Variants in MCTP1 observed in about 807,000 individuals in gnomAD.
MCTP1 encodes the protein multiple C2 and transmembrane domain-containing protein 1.
A neutral mutation model predicts 120.6 loss-of-function variants in MCTP1; 69 were observed. That is an observed-to-expected ratio of 0.57 (90% CI 0.47 to 0.70). The LOEUF (loss-of-function observed/expected upper bound fraction) is 0.70. Among genes scored for constraint, MCTP1 ranks in the 30% least tolerant of loss-of-function variants. The probability of loss-of-function intolerance (pLI) is 0.00; values close to 1 mark genes in which losing one functional copy is unlikely to be tolerated. For synonymous variants in MCTP1, 529 were observed against 493.1 expected, an observed-to-expected ratio of 1.07 and a Z score of -0.96; for missense variants, 1,203 against 1,248.8, an observed-to-expected ratio of 0.96 and a Z score of 0.55.
At chr5:94,876,034 A>C (rs992105562) in intron 12 of MCTP1, among the ~76,000 whole-genome samples, 1 of 152,160 alleles carries the variant, frequency 6.6e-6, no homozygotes, top group African/African-American at 2.4e-5. Flanking sequence ...ATTTCAACCA[A>C]AATACTAGTA....
At chr5:94,865,602 G>C (rs153854) in intron 17 of MCTP1, among the ~76,000 whole-genome samples, 150,994 of 151,984 alleles carry the variant, frequency 0.99, 75,011 homozygotes, top group East Asian at 1. Flanking sequence ...AATAAACAGG[G>C]CTAAAATGTC....
chr5:95,144,193 C>T (rs190747949), intron 1 of MCTP1, among the ~76,000 whole-genome samples: 9 of 152,072 alleles, frequency 5.9e-5, no homozygotes, highest in Admixed American at 5.9e-4. Flanking sequence ...ATTTGTTGGC[C>T]GCTTGTATGT....
intron 2 of MCTP1, among the ~76,000 whole-genome samples, chr5:95,004,530 G>A (rs1286911856): frequency 6.6e-6 from 1 of 152,206 alleles, no homozygotes; most frequent in Non-Finnish European, 1.5e-5. Flanking sequence ...TGGTTTAGGG[G>A]GCCAGACCCA....
At chr5:95,179,016 T>C (rs1006379046) in intron 1 of MCTP1, among the ~76,000 whole-genome samples, 1 of 152,134 alleles carries the variant, frequency 6.6e-6, no homozygotes, top group Non-Finnish European at 1.5e-5. Flanking sequence ...AGGATACACT[T>C]AGAGAAATGC....
intron 1 of MCTP1, among the ~76,000 whole-genome samples, chr5:95,235,731 G>C (rs1010147214): frequency 6.6e-6 from 1 of 152,084 alleles, no homozygotes; most frequent in Admixed American, 6.6e-5. Flanking sequence ...AAAAAAGGAA[G>C]AAGTAAAACT....
chr5:94,961,003 CAA>C (rs1248488519), intron 2 of MCTP1, among the ~76,000 whole-genome samples: 1 of 152,074 alleles, frequency 6.6e-6, no homozygotes, highest in East Asian at 1.9e-4. Flanking sequence ...TTCATGGTAG[CAA>C]AGACTTAGAA....
intron 2 of MCTP1, among the ~76,000 whole-genome samples, chr5:94,999,230 G>T (rs965864739): frequency 1.3e-5 from 2 of 152,156 alleles, no homozygotes; most frequent in African/African-American, 2.4e-5. Context: ...CTTATTTCAT[G>T]AAGGAACATA....
Position 95,099,057 on chromosome 5 carries a change from C to T in MCTP1, c.721-81573G>A, listed in dbSNP as rs1425002083. 2.7e-5 allele frequency among the ~76,000 whole-genome samples: 4 copies of T among 150,378 alleles called. No homozygotes were observed. In the East Asian group the frequency reaches 7.8e-4, roughly 29 times the overall value. On this transcript the variant is annotated intron_variant, in intron 1 of 22. Coordinates refer to ENST00000515393, the MANE Select transcript of MCTP1 (RefSeq NM_024717.7). ...TATTTAATAAATGGTGCTGGGAAAA[C>T]TGGCTAGCCATATGTAGAAAGCTGA...
intron 1 of MCTP1, among the ~76,000 whole-genome samples, chr5:95,281,265 A>G (rs1760289600): frequency 6.6e-6 from 1 of 152,226 alleles, no homozygotes; most frequent in Admixed American, 6.5e-5. Context: ...TGAGATATTC[A>G]GGAAGCTTGG....
rs185431792 is a variant in MCTP1 at position 95,190,879 on chromosome 5, T to A, written c.720+92977A>T. 9.3e-4 allele frequency among the ~76,000 whole-genome samples: 142 copies of A among 152,066 alleles called. 3 individuals carry two copies. The South Asian group carries it at 0.027, about 29-fold the overall frequency. ...AACAACCCAAAATGAAACTATTCTA[T>A]AGAACTAAAATCTTAAATCTGCCAA... On this transcript the variant is annotated intron_variant, in intron 1 of 22. Transcript: ENST00000515393.
chr5:95,221,138 TC>T (rs1217890824), intron 1 of MCTP1, among the ~76,000 whole-genome samples: 6 of 152,232 alleles, frequency 3.9e-5, no homozygotes, highest in African/African-American at 1.4e-4. Flanking sequence ...TGTTTTCATT[TC>T]TTTGAAACAA....
intron 2 of MCTP1, among the ~76,000 whole-genome samples, chr5:94,989,711 G>A (rs1306993058): frequency 1.3e-5 from 2 of 152,100 alleles, no homozygotes; most frequent in South Asian, 2.1e-4. Flanking sequence ...GTGATTAGAG[G>A]GTTAGAACTT....
At chr5:94,893,763 C>CT (rs1803227670) in intron 11 of MCTP1, among the ~76,000 whole-genome samples, 1 of 152,046 alleles carries the variant, frequency 6.6e-6, no homozygotes, top group Non-Finnish European at 1.5e-5. Flanking sequence ...ATTTTAAAGT[C>CT]TAAAAAAAAA....
intron 10 of MCTP1, among the ~76,000 whole-genome samples, chr5:94,905,154 G>A (rs1372215665): frequency 1.3e-5 from 2 of 152,134 alleles, no homozygotes; most frequent in African/African-American, 4.8e-5. Context: ...TTAGATAGAG[G>A]GAAAGGTCCT....
At chr5:94,748,430 C>T (rs1767443599) in intron 19 of MCTP1, among the ~76,000 whole-genome samples, 1 of 152,184 alleles carries the variant, frequency 6.6e-6, no homozygotes, top group African/African-American at 2.4e-5. Flanking sequence ...AACCTGGCCC[C>T]CTAGTTTACC....
At chr5:94,997,980 T>G (rs931754680) in intron 2 of MCTP1, among the ~76,000 whole-genome samples, 1 of 152,298 alleles carries the variant, frequency 6.6e-6, no homozygotes, top group Admixed American at 6.5e-5. Flanking sequence ...TTATGTATTA[T>G]AAATGACTGG....
intron 1 of MCTP1, among the ~76,000 whole-genome samples, chr5:95,132,322 GTA>G (rs1225691791): frequency 1.3e-5 from 2 of 152,172 alleles, no homozygotes; most frequent in Non-Finnish European, 2.9e-5. Context: ...AGTGCCACTG[GTA>G]TAGTTAGGAC....
chr5:94,858,494 C>T (rs1489968468), intron 17 of MCTP1, among the ~76,000 whole-genome samples: 4 of 151,686 alleles, frequency 2.6e-5, no homozygotes, highest in Admixed American at 6.6e-5. Flanking sequence ...CATTCCTTAA[C>T]AGGAAATACC....
At position 95,166,983 on chromosome 5, in the gene MCTP1, T is replaced by G. The variant is rs555467123; in HGVS notation, c.720+116873A>C. ...GCACAATGTGCAGGTTTGTTACATA[T>G]GTATACATGTGCCATGTTGGTGTGC... On this transcript the variant is annotated intron_variant, in intron 1 of 22. Transcript: ENST00000515393. Among the ~76,000 whole-genome samples the G allele has an allele frequency of 5.2e-4, 79 of 151,626 alleles. No individual in the cohort carries two copies. In the Middle Eastern group the frequency reaches 0.024, roughly 46 times the overall value.
Sources: gnomAD v4.1 joint callset for allele counts (sites outside exome capture counted in the v4.1 genomes callset) on GRCh38, gnomAD v4.1.1 for gene constraint, MANE v1.5 for transcripts, NCBI Gene and HGNC (gene_info 2026-07-23, HGNC 2026-07-21) for gene names.